The following C1QL1 variants were observed in gnomAD, a reference collection of about 807,000 sequenced individuals.
C1QL1 encodes the protein complement C1q like 1, also known as C1q-related factor.
C1QL1 carries 15 observed loss-of-function variants against 14.2 expected under a neutral mutation model. That is an observed-to-expected ratio of 1.06 (90% confidence interval 0.71 to 1.62). The LOEUF (loss-of-function observed/expected upper bound fraction) is 1.62. Ranked by LOEUF, C1QL1 falls within the 40% of genes most tolerant of loss-of-function variation. The pLI is 0.00. For missense variants in C1QL1, 346 were observed against 380.3 expected (o/e 0.91, Z 0.75); for synonymous variants, 172 against 172.4 (o/e 1.00, Z 0.02).
intron 1 of C1QL1, among the ~76,000 whole-genome samples, chr17:44,962,742 G>T (rs919988332): frequency 6.6e-6 from 1 of 152,150 alleles, no homozygotes; most frequent in Admixed American, 6.5e-5. Context: ...TTATTGCCCA[G>T]ATTAATTTAG....
Position 44,960,226 on chromosome 17 carries a change from A to G in C1QL1, c.739T>C (p.Tyr247His), listed in dbSNP as rs771588308. 6.2e-7 allele frequency: 1 copy of G among 1,614,092 alleles called. No individual in the cohort carries two copies. The highest frequency in any genetic ancestry group is 1.1e-5 in the South Asian group (1 of 91,084). Residue 247 changes from tyrosine (Y) to histidine (H), a missense_variant, in exon 2 of 2, where the codon TAC becomes CAC. Physicochemically the swap from Tyr to His is moderately conservative, Grantham distance 83. Transcript: ENST00000253407. ...GKAHGGNSNK[Y>H]STFSGFIIYS... ...ATGATGAAGCCAGAGAACGTGCTGT[A>G]TTTGTTGCTGTTGCCGCCGTGTGCT...
At position 44,967,385 on chromosome 17, in the gene C1QL1, A is replaced by T; in HGVS notation, c.597+67T>A. The T allele has an allele frequency of 1.3e-6, 2 of 1,492,776 alleles. No homozygotes were observed. Among genetic ancestry groups the T allele is most frequent in the East Asian group, 2.3e-5 (1 of 42,824 alleles). The allele number at this position is 1,492,776 out of a possible 1,614,324, so 92.5% of individuals were successfully genotyped here. ...GCGCCCCCGCCAACTCCGATCAGGTACCCATTTGCCCCGGGCTCCCTGGGT... is the reference window on the plus strand; with the variant it reads ...GCGCCCCCGCCAACTCCGATCAGGTTCCCATTTGCCCCGGGCTCCCTGGGT... On this transcript the variant is annotated intron_variant, in intron 1 of 1. Transcript: ENST00000253407. This position sits in a 1 kb window ranked among gnomAD's most constrained non-coding sequence, Gnocchi z 7.0.
In C1QL1 at chr17:44,964,092, C is replaced by G. The variant is rs188389495; in HGVS notation, c.597+3360G>C. ...CAAGGCTACCCCTAAGGACTGGGGC[C>G]AGTGGGCCTCAGATAAGGACAGAGG... On this transcript the variant is annotated intron_variant, in intron 1 of 1. Transcript: ENST00000253407. Among the ~76,000 whole-genome samples, 577 of 152,298 alleles carry G rather than the reference C, an allele frequency of 3.8e-3. 3 individuals are homozygous for G. The highest frequency in any genetic ancestry group is 0.01 in the Middle Eastern group (3 of 294).
At chr17:44,962,057 C>A (rs969129377) in intron 1 of C1QL1, among the ~76,000 whole-genome samples, 1 of 151,858 alleles carries the variant, frequency 6.6e-6, no homozygotes, top group Admixed American at 6.6e-5. Flanking sequence ...AAGAGAAGCG[C>A]CCTCTCCAGG....
chr17:44,967,600 T>C lies in C1QL1; in HGVS notation c.449A>G (p.Asp150Gly). 1.9e-6 allele frequency: 3 copies of C among 1,614,062 alleles called. No individual in the cohort carries two copies. Among genetic ancestry groups the C allele is most frequent in the Non-Finnish European group, 2.5e-6 (3 of 1,179,934 alleles). Residue 150 changes from aspartate (D) to glycine (G), a missense_variant, in exon 1 of 2, where the codon GAC becomes GGC. Physicochemically the swap from Asp to Gly is moderately conservative, Grantham distance 94. Transcript: ENST00000253407. This position sits in a 1 kb window ranked among gnomAD's most constrained non-coding sequence, Gnocchi z 7.0. ...HEGYEVLKFDDVVTNLGNNYD... is the reference protein window; with the variant it reads ...HEGYEVLKFDGVVTNLGNNYD... ...GTTGTTGCCTAGGTTGGTGACCACG[T>C]CGTCAAACTTGAGTACCTCGTAACC...
rs944540157 is a variant in C1QL1 at position 44,968,298 on chromosome 17, C to T, written c.-250G>A. Among the ~76,000 whole-genome samples the T allele has an allele frequency of 2.0e-5, 3 of 150,390 alleles. No individual in the cohort carries two copies. The highest frequency in any genetic ancestry group is 7.3e-5 in the African/African-American group (3 of 41,178). On this transcript the variant is annotated 5_prime_UTR_variant, in exon 1 of 2. Coordinates refer to ENST00000253407, the MANE Select transcript of C1QL1 (RefSeq NM_006688.5). ...TCGCGCCTCCCTCCTGCTGCGCTGCCGGACTGAGCGCCGCGGCCGCCGCCT... is the reference window on the plus strand; with the variant it reads ...TCGCGCCTCCCTCCTGCTGCGCTGCTGGACTGAGCGCCGCGGCCGCCGCCT...
chr17:44,967,749 AC>A lies in C1QL1; in HGVS notation c.299del (p.Gly100ValfsTer56). 2 of 1,586,504 alleles carry A rather than the reference AC, an allele frequency of 1.3e-6. No homozygotes were observed. The highest frequency in any genetic ancestry group is 1.7e-6 in the Non-Finnish European group (2 of 1,169,808). ...PGPVGPPGEK[G>X]EPGKPGPPGL... ...CCGGAGGGCCCGGCTTGCCTGGCTC[AC>A]CCTTCTCCCCCGGCGGCCCCACAGG... is the stretch of plus-strand genomic sequence containing the variant. On this transcript the variant is annotated frameshift_variant, in exon 1 of 2. Transcript: ENST00000253407. LOFTEE classifies it high-confidence loss of function. The surrounding 1 kb of genome is among the most constrained non-coding windows in gnomAD (Gnocchi z 7.0).
At chr17:44,964,186 A>T (rs940260352) in intron 1 of C1QL1, among the ~76,000 whole-genome samples, 16 of 152,210 alleles carry the variant, frequency 1.1e-4, no homozygotes, top group Non-Finnish European at 1.6e-4. Context: ...GGCAGAGCCC[A>T]GATTCAGCTC....
rs1216209496 is a variant in C1QL1 at position 44,961,892 on chromosome 17, C to CA, written c.598-1526dup. Among the ~76,000 whole-genome samples the CA allele has an allele frequency of 5.7e-3, 338 of 58,970 alleles. 7 individuals are homozygous for CA. Among genetic ancestry groups the CA allele is most frequent in the South Asian group, 0.034 (55 of 1,636 alleles). The allele number at this position is 58,970 out of a possible 152,430, so 38.7% of individuals were successfully genotyped here. ...TGGGCGACAGAGCGAGACTCCGTCT[C>CA]AAAAAAAAAAAAAAAAAAAGAGAGA... On this transcript the variant is annotated intron_variant, in intron 1 of 1. Transcript: ENST00000253407.
intron 1 of C1QL1, among the ~76,000 whole-genome samples, chr17:44,963,590 G>GT (rs1047293208): frequency 6.6e-5 from 10 of 151,926 alleles, no homozygotes; most frequent in Admixed American, 2.6e-4. Flanking sequence ...ACCCGGCTAT[G>GT]TTTTTTTGTA....
intron 1 of C1QL1, among the ~76,000 whole-genome samples, chr17:44,962,940 C>A (rs1474782009): frequency 2.6e-5 from 4 of 152,148 alleles, no homozygotes; most frequent in Admixed American, 2.6e-4. Context: ...AATTTATGCC[C>A]TTCCATCCTT....
In C1QL1 at chr17:44,960,085, G is replaced by T; in HGVS notation, c.*103C>A. 9.5e-7 allele frequency: 1 copy of T among 1,058,156 alleles called. No homozygotes were observed. Among genetic ancestry groups the T allele is most frequent in the Non-Finnish European group, 1.4e-6 (1 of 693,982 alleles). The allele number at this position is 1,058,156 out of a possible 1,614,324, so 65.5% of individuals were successfully genotyped here. A position where few individuals can be genotyped will look rare whatever the true frequency, so the allele number is the denominator to read the frequency against. ...GGGCCGGGGGCGTCATAGCCGGGGA[G>T]GGCCGGGCAGCGAGCGGGTGGGCGA... On this transcript the variant is annotated 3_prime_UTR_variant, in exon 2 of 2. Transcript: ENST00000253407.
intron 1 of C1QL1, among the ~76,000 whole-genome samples, chr17:44,966,623 C>T (rs2052658410): frequency 5.3e-5 from 8 of 152,260 alleles, no homozygotes; most frequent in Admixed American, 5.2e-4. Context: ...TACCAGAGTC[C>T]CCGACACACT....
chr17:44,961,571 G>A (rs1163774381), intron 1 of C1QL1, among the ~76,000 whole-genome samples: 13 of 137,456 alleles, frequency 9.5e-5, no homozygotes, highest in African/African-American at 3.5e-4. Context: ...CAGCCTGGGC[G>A]ACATAGTGAG....
intron 1 of C1QL1, among the ~76,000 whole-genome samples, chr17:44,961,598 A>AT (rs1216928742): frequency 1.4e-5 from 2 of 145,976 alleles, no homozygotes; most frequent in Non-Finnish European, 3.0e-5. Context: ...TCTCAAAAAA[A>AT]AAAAAAGGCC....
intron 1 of C1QL1, among the ~76,000 whole-genome samples, chr17:44,961,417 A>AC (rs1183824090): frequency 6.6e-6 from 1 of 150,626 alleles, no homozygotes; most frequent in Admixed American, 6.6e-5. Context: ...ATATGGTGAG[A>AC]CCCCCATCTC....
At chr17:44,964,157 C>T (rs983003268) in intron 1 of C1QL1, among the ~76,000 whole-genome samples, 8 of 152,182 alleles carry the variant, frequency 5.3e-5, no homozygotes, top group Admixed American at 3.3e-4. Context: ...CTCCCCATCC[C>T]GAACTTGCCC....
intron 1 of C1QL1, among the ~76,000 whole-genome samples, chr17:44,963,190 G>A (rs3024285): frequency 0.35 from 53,758 of 152,072 alleles, 10,289 homozygotes; most frequent in African/African-American, 0.52. Context: ...GGGTGAGAGG[G>A]CATCCAGGAA....
In C1QL1 at chr17:44,967,487, T is replaced by C; in HGVS notation, c.562A>G (p.Thr188Ala). The C allele has an allele frequency of 6.2e-7, 1 of 1,613,924 alleles. No homozygotes were observed. Among genetic ancestry groups the C allele is most frequent in the Non-Finnish European group, 8.5e-7 (1 of 1,179,900 alleles). Residue 188 changes from threonine to alanine, a missense_variant, in exon 1 of 2, where the codon ACC becomes GCC. Transcript: ENST00000253407. The surrounding 1 kb of genome is among the most constrained non-coding windows in gnomAD (Gnocchi z 7.0). ...TTGCAGAGGTCTGCCCACATACTGG[T>C]GCCGTCGCCGCCGCGCATGAGGACA... ...YHVLMRGGDG[T>A]SMWADLCKNG...
Sources: gnomAD v4.1 joint callset for allele counts (sites outside exome capture counted in the v4.1 genomes callset) on GRCh38, gnomAD v4.1.1 for gene constraint, Gnocchi (gnomAD v3.1) non-coding constraint, MANE v1.5 for transcripts, NCBI Gene and HGNC (gene_info 2026-07-23, HGNC 2026-07-21) for gene names.